Variants in NDUFA8 observed in about 807,000 individuals in gnomAD.
NDUFA8 encodes the protein NADH:ubiquinone oxidoreductase subunit A8.
In NDUFA8, 16 loss-of-function variants were observed where a neutral mutation model predicts 20.9. The ratio of observed to expected loss-of-function variants is 0.77; its 90% CI spans 0.52 to 1.16. NDUFA8 has a LOEUF of 1.16. Among genes scored for constraint, NDUFA8 ranks in the 50% most tolerant of loss-of-function variants. NDUFA8 has a pLI of 0.00. For missense variants in NDUFA8, 202 were observed against 216.4 expected, an observed-to-expected ratio of 0.93 and a Z score of 0.42; for synonymous variants, 70 against 76.1, an observed-to-expected ratio of 0.92 and a Z score of 0.41.
intron 2 of NDUFA8, among the ~76,000 whole-genome samples, chr9:122,150,255 A>G (rs1828972395): frequency 6.6e-6 from 1 of 151,790 alleles, no homozygotes; most frequent in Non-Finnish European, 1.5e-5. Flanking sequence ...CTAAAAATAC[A>G]AAAAATTAGC....
At chr9:122,133,074 A>C in the NDUFA8 span, 2 of 453,966 alleles carry the variant, frequency 4.4e-6, no homozygotes, top group Middle Eastern at 6.5e-4. Flanking sequence ...AGTAGACCTT[A>C]CTTCCTGCAT....
intron 3 of NDUFA8, among the ~76,000 whole-genome samples, chr9:122,146,306 T>A (rs937454044): frequency 6.6e-6 from 1 of 152,112 alleles, no homozygotes; most frequent in Admixed American, 6.6e-5. Flanking sequence ...ATTTTTTTTT[T>A]ATCTCACAGA....
chr9:122,148,461 A>G (rs1482389273), intron 2 of NDUFA8, among the ~76,000 whole-genome samples, 184 bp from the exon 3 acceptor site: 1 of 152,210 alleles, frequency 6.6e-6, no homozygotes, highest in African/African-American at 2.4e-5. Flanking sequence ...GTTAGTAAAC[A>G]AAAAAGATTT....
At chr9:122,134,003 GCAGGC>G in the NDUFA8 span, among the ~76,000 whole-genome samples, 1 of 152,164 alleles carries the variant, frequency 6.6e-6, no homozygotes, top group Non-Finnish European at 1.5e-5. Context: ...GTTTCTGCGG[GCAGGC>G]CACCTAACTT....
chr9:122,140,248 T>C (rs570994743), downstream of NDUFA8, among the ~76,000 whole-genome samples: 76 of 152,310 alleles, frequency 5.0e-4, no homozygotes, highest in South Asian at 0.015. Flanking sequence ...AATTTCAATA[T>C]CTTACTTAAA....
chr9:122,158,830 C>T (rs1829125484), intron 1 of NDUFA8, among the ~76,000 whole-genome samples: 1 of 149,592 alleles, frequency 6.7e-6, no homozygotes, highest in Non-Finnish European at 1.5e-5. Flanking sequence ...TATATCCTAC[C>T]TTATAGTGTT....
chr9:122,156,527 C>A (rs551986262), intron 1 of NDUFA8, among the ~76,000 whole-genome samples: 1 of 152,076 alleles, frequency 6.6e-6, no homozygotes, highest in African/African-American at 2.4e-5. Flanking sequence ...CGAAAGCACA[C>A]CATAAATATT....
chr9:122,133,594 GTTCTAT>G, the NDUFA8 span, among the ~76,000 whole-genome samples: 1 of 152,158 alleles, frequency 6.6e-6, no homozygotes, highest in East Asian at 1.9e-4. Flanking sequence ...CAGGGGATGC[GTTCTAT>G]GGCAGGCAGG....
At chr9:122,156,927 C>T (rs1464636434) in intron 1 of NDUFA8, among the ~76,000 whole-genome samples, 2 of 152,110 alleles carry the variant, frequency 1.3e-5, no homozygotes, top group Admixed American at 1.3e-4. Flanking sequence ...TTCTTCAATC[C>T]ATTCTTCACA....
chr9:122,138,929 G>A, the NDUFA8 span, among the ~76,000 whole-genome samples: 3 of 150,514 alleles, frequency 2.0e-5, no homozygotes, highest in Non-Finnish European at 4.4e-5. Context: ...GGCTCAACAC[G>A]GATGGAGTGT....
At chr9:122,135,216 G>A in the NDUFA8 span, among the ~76,000 whole-genome samples, 1 of 152,140 alleles carries the variant, frequency 6.6e-6, no homozygotes, top group African/African-American at 2.4e-5. Context: ...CAGTCTGAGG[G>A]GTCCCATTGG....
chr9:122,143,563 T>C (rs1443549405), downstream of NDUFA8, among the ~76,000 whole-genome samples: 1 of 152,204 alleles, frequency 6.6e-6, no homozygotes, highest in Admixed American at 6.5e-5. Context: ...TTCCTGGCTT[T>C]GGAGCTGGAA....
chr9:122,143,130 C>G (rs564491208), downstream of NDUFA8, among the ~76,000 whole-genome samples: 553 of 152,246 alleles, frequency 3.6e-3, 4 homozygotes, highest in African/African-American at 0.013. Flanking sequence ...AGACCCTGCA[C>G]CTCATCTGCC....
chr9:122,155,641 C>T (rs1219303206), intron 1 of NDUFA8, among the ~76,000 whole-genome samples: 1 of 152,122 alleles, frequency 6.6e-6, no homozygotes, highest in African/African-American at 2.4e-5. Flanking sequence ...TTTAGGTAAA[C>T]TGGCACACAT....
chr9:122,159,622 C>G lies in NDUFA8; in HGVS notation c.51+5G>C. The G allele has an allele frequency of 6.2e-7, 1 of 1,614,148 alleles. No individual in the cohort carries two copies. The highest frequency in any genetic ancestry group is 8.5e-7 in the Non-Finnish European group (1 of 1,179,986). ...CTCCCTTGCCTGTCCTCCGGATAGC[C>G]TCACCTCATCTACTTTCAGCTCCTC... On this transcript the variant is annotated splice_donor_5th_base_variant and intron_variant, in intron 1 of 3. Coordinates refer to ENST00000373768, the MANE Select transcript of NDUFA8 (RefSeq NM_014222.3).
rs1194710999 is a variant in NDUFA8, at chr9:122,154,483, G to C, written c.52-2075C>G. ...CTTTTGATACTATCTAAATAGGATA[G>C]TTTTTCTATTAGACTTTCAAACTGT... On this transcript the variant is annotated intron_variant, in intron 1 of 3. Coordinates refer to ENST00000373768, the MANE Select transcript of NDUFA8 (RefSeq NM_014222.3). 2.0e-5 allele frequency among the ~76,000 whole-genome samples: 3 copies of C among 152,124 alleles called. No individual in the cohort carries two copies. The East Asian group carries it at 5.8e-4, about 29-fold the overall frequency.
downstream of NDUFA8, among the ~76,000 whole-genome samples, chr9:122,140,550 C>T (rs541783017): frequency 1.3e-5 from 2 of 152,266 alleles, no homozygotes; most frequent in African/African-American, 4.8e-5. Context: ...AGGTAAACTT[C>T]GTGTACAGTT....
intron 3 of NDUFA8, among the ~76,000 whole-genome samples, chr9:122,146,792 A>T (rs376818747): frequency 6.6e-5 from 10 of 152,326 alleles, no homozygotes; most frequent in African/African-American, 1.9e-4. Flanking sequence ...GCTACTTGGG[A>T]GGCTGAGGTG....
At chr9:122,157,687 G>A (rs1157380692) in intron 1 of NDUFA8, among the ~76,000 whole-genome samples, 1 of 151,260 alleles carries the variant, frequency 6.6e-6, no homozygotes, top group Non-Finnish European at 1.5e-5. Flanking sequence ...GTGGTTCGCC[G>A]GGGGGAACAA....
Sources: allele counts gnomAD v4.1 joint callset (sites outside exome capture counted in the v4.1 genomes callset), GRCh38; gene constraint gnomAD v4.1.1; transcripts MANE v1.5; gene names NCBI Gene and HGNC (gene_info 2026-07-23, HGNC 2026-07-21).